LRMDA: variants seen among roughly 807,000 people sequenced by gnomAD.
The protein encoded by LRMDA is leucine rich melanocyte differentiation associated, also known as leucine-rich melanocyte differentiation-associated protein.
Under a neutral mutation model 29.8 loss-of-function variants are expected in LRMDA, and 18 were observed. The observed-to-expected ratio is 0.60, with a 90% CI of 0.42 to 0.90. The LOEUF (loss-of-function observed/expected upper bound fraction) is 0.90, where lower values mean the gene tolerates loss of function less well. Among genes scored for constraint, LRMDA ranks in the 40% least tolerant of loss-of-function variants. The pLI, the probability that LRMDA is intolerant of heterozygous loss-of-function variation, is 0.00. For synonymous variants in LRMDA, 125 were observed against 109.4 expected, an observed-to-expected ratio of 1.14 and a Z score of -0.89; for missense variants, 273 against 273.9, an observed-to-expected ratio of 1.00 and a Z score of 0.02.
intron 2 of LRMDA, among the ~76,000 whole-genome samples, chr10:75,585,847 C>A (rs1668038456): frequency 6.6e-6 from 1 of 152,164 alleles, no homozygotes; most frequent in Non-Finnish European, 1.5e-5. Context: ...CTCCCCTCAT[C>A]CCCTGGCAAC....
In LRMDA at chr10:76,153,120, T is replaced by G. The variant is rs563374524; in HGVS notation, c.516+94337T>G. ...TCCCAAAGTGCTGGGATTACAGGCA[T>G]GAGCCACCACGCCTGGCCTTTTTTG... On this transcript the variant is annotated intron_variant, in intron 5 of 6. Transcript: ENST00000611255. Among the ~76,000 whole-genome samples the G allele has an allele frequency of 5.3e-5, 8 of 152,330 alleles. No homozygotes were observed. In the South Asian group the frequency reaches 1.7e-3, roughly 32 times the overall value.
chr10:76,538,165 A>T (rs1165392676), intron 6 of LRMDA, among the ~76,000 whole-genome samples: 1 of 151,718 alleles, frequency 6.6e-6, no homozygotes, highest in Non-Finnish European at 1.5e-5. Context: ...CATCCTTTCC[A>T]ATTTATTTTA....
chr10:76,207,890 G>C (rs1851566383), intron 5 of LRMDA, among the ~76,000 whole-genome samples: 1 of 152,004 alleles, frequency 6.6e-6, no homozygotes, highest in East Asian at 1.9e-4. Flanking sequence ...CTTGAACCCG[G>C]GAGGCAGAGG....
At chr10:75,553,931 A>G (rs1235392687) in intron 2 of LRMDA, among the ~76,000 whole-genome samples, 2 of 152,228 alleles carry the variant, frequency 1.3e-5, no homozygotes, top group East Asian at 1.9e-4. Flanking sequence ...TGGGAATTCT[A>G]AACTTTCTTG....
chr10:76,280,723 G>A (rs1482777252), intron 5 of LRMDA, among the ~76,000 whole-genome samples: 2 of 152,066 alleles, frequency 1.3e-5, no homozygotes, highest in Admixed American at 1.3e-4. Context: ...TGGTACAGTA[G>A]TGTATCAAAT....
intron 2 of LRMDA, among the ~76,000 whole-genome samples, chr10:75,680,274 T>A (rs949731211): frequency 2.0e-5 from 3 of 152,228 alleles, no homozygotes; most frequent in African/African-American, 7.2e-5. Flanking sequence ...AGTAGGATGC[T>A]GGTAGGATTT....
At chr10:75,773,981 T>TCCG (rs1417169705) in intron 2 of LRMDA, among the ~76,000 whole-genome samples, 1 of 152,224 alleles carries the variant, frequency 6.6e-6, no homozygotes, top group Non-Finnish European at 1.5e-5. Context: ...ATTCTTTTAA[T>TCCG]CCGCCATGAT....
At chr10:75,849,089 C>A (rs1021254831) in intron 2 of LRMDA, among the ~76,000 whole-genome samples, 3 of 152,176 alleles carry the variant, frequency 2.0e-5, no homozygotes, top group African/African-American at 7.2e-5. Flanking sequence ...GGCTCCAACT[C>A]CTCCTATAGG....
chr10:76,158,528 A>AT (rs1227698218), intron 5 of LRMDA, among the ~76,000 whole-genome samples: 20 of 152,288 alleles, frequency 1.3e-4, no homozygotes, highest in East Asian at 5.8e-4. Flanking sequence ...AAACTGATAT[A>AT]TTTTTTAAAG....
In LRMDA at chr10:75,732,732, A is replaced by G. The variant is rs886796185; in HGVS notation, c.131+294238A>G. 2.0e-5 allele frequency among the ~76,000 whole-genome samples: 3 copies of G among 152,126 alleles called. No homozygotes were observed. The South Asian group carries it at 6.2e-4, about 32-fold the overall frequency. ...ACGAACAGCCATCCCTCTGGACTAG[A>G]ATTGCACATATTGGTTGACTTTTGT... is the stretch of plus-strand genomic sequence containing the variant. On this transcript the variant is annotated intron_variant, in intron 2 of 6. Coordinates refer to ENST00000611255, the MANE Select transcript of LRMDA (RefSeq NM_001305581.2).
At chr10:75,899,142 A>G (rs1423418470) in intron 2 of LRMDA, among the ~76,000 whole-genome samples, 1 of 152,214 alleles carries the variant, frequency 6.6e-6, no homozygotes, top group Non-Finnish European at 1.5e-5. Context: ...AATGCAGAGA[A>G]GACTATTGAA....
At chr10:76,053,376 A>G (rs1441754369) in intron 4 of LRMDA, among the ~76,000 whole-genome samples, 1 of 152,196 alleles carries the variant, frequency 6.6e-6, no homozygotes, top group Non-Finnish European at 1.5e-5. Context: ...CGGCTGTGAT[A>G]ACCCCAGTAA....
intron 2 of LRMDA, among the ~76,000 whole-genome samples, chr10:75,942,559 C>A (rs564404809): frequency 6.6e-6 from 1 of 152,218 alleles, no homozygotes; most frequent in Non-Finnish European, 1.5e-5. Flanking sequence ...CAGTAATTAA[C>A]CAGAGAAGCA....
chr10:76,525,077 CA>C lies in LRMDA; in HGVS notation c.602-32131del, dbSNP rs530420209. Among the ~76,000 whole-genome samples the C allele has an allele frequency of 1.7e-3, 263 of 152,220 alleles. 1 individual carries two copies. The highest frequency in any genetic ancestry group is 6.0e-3 in the African/African-American group (249 of 41,536). ...TGGCAGGGCTTGGAAGAAAATTATT[CA>C]GTAGATAGCAAGATGAGGCTGAAGG... On this transcript the variant is annotated intron_variant, in intron 6 of 6. Coordinates refer to ENST00000611255, the MANE Select transcript of LRMDA (RefSeq NM_001305581.2).
intron 2 of LRMDA, among the ~76,000 whole-genome samples, chr10:75,903,609 T>A (rs1011541185): frequency 1.3e-5 from 2 of 152,246 alleles, no homozygotes; most frequent in Non-Finnish European, 2.9e-5. Flanking sequence ...ATGACTAGGA[T>A]CCTTGAATGA....
At chr10:76,264,338 C>A (rs1435905847) in intron 5 of LRMDA, among the ~76,000 whole-genome samples, 1 of 130,744 alleles carries the variant, frequency 7.6e-6, no homozygotes, top group Non-Finnish European at 1.5e-5. Flanking sequence ...ACCCAGGAGG[C>A]AGAGGTTGCA....
At chr10:76,406,259 T>G (rs947935377) in intron 6 of LRMDA, among the ~76,000 whole-genome samples, 14 of 152,238 alleles carry the variant, frequency 9.2e-5, no homozygotes, top group Non-Finnish European at 1.9e-4. Flanking sequence ...CCGTGCCATC[T>G]TTTAATGTCT....
At chr10:76,471,007 T>C (rs1197909821) in intron 6 of LRMDA, among the ~76,000 whole-genome samples, 2 of 151,908 alleles carry the variant, frequency 1.3e-5, no homozygotes, top group Non-Finnish European at 2.9e-5. Context: ...AATTATATTA[T>C]TGGGCTTATA....
chr10:76,550,200 T>C (rs1414999395), intron 6 of LRMDA, among the ~76,000 whole-genome samples: 2 of 152,216 alleles, frequency 1.3e-5, no homozygotes, highest in African/African-American at 4.8e-5. Flanking sequence ...AGGAATTAAA[T>C]TGGCTAAATG....
Sources: gnomAD v4.1 joint callset for allele counts (sites outside exome capture counted in the v4.1 genomes callset) on GRCh38, gnomAD v4.1.1 for gene constraint, MANE v1.5 for transcripts, NCBI Gene and HGNC (gene_info 2026-07-23, HGNC 2026-07-21) for gene names.